AOPEP: variants seen among roughly 807,000 people sequenced by gnomAD.
The protein encoded by AOPEP is aminopeptidase O (putative).
AOPEP carries 77 observed loss-of-function variants against 98.1 expected under a neutral mutation model. That is an observed-to-expected ratio of 0.78 (90% CI 0.65 to 0.95). The LOEUF (loss-of-function observed/expected upper bound fraction) is 0.95, where lower values mean the gene tolerates loss of function less well. AOPEP is among the 40% of genes least tolerant of loss of function. The pLI is 0.00. For missense variants in AOPEP, 1,024 were observed against 1,024.7 expected, an observed-to-expected ratio of 1.00 and a Z score of 0.01; for synonymous variants, 346 against 365.3, an observed-to-expected ratio of 0.95 and a Z score of 0.60.
At chr9:95,085,595 C>T (rs545515709) in intron 16 of AOPEP, 45 of 425,460 alleles carry the variant, frequency 1.1e-4, no homozygotes, top group African/African-American at 6.2e-4. Context: ...GCTGACGGGC[C>T]GGCCGCTGCT....
chr9:95,085,440 C>T (rs376202807), intron 16 of AOPEP: 6 of 532,384 alleles, frequency 1.1e-5, no homozygotes, highest in Non-Finnish European at 1.9e-5. Context: ...TTATGCCCAG[C>T]GATGACCTCT....
chr9:94,822,011 A>ACACG (rs1554726876), intron 5 of AOPEP, among the ~76,000 whole-genome samples: 4 of 146,164 alleles, frequency 2.7e-5, no homozygotes, highest in Non-Finnish European at 6.1e-5. Context: ...ACACACACAC[A>ACACG]CGCAGGCATT....
At chr9:94,989,492 C>T (rs2060746263) in intron 11 of AOPEP, among the ~76,000 whole-genome samples, 1 of 152,060 alleles carries the variant, frequency 6.6e-6, no homozygotes, top group Non-Finnish European at 1.5e-5. Context: ...TCCTTGGCCT[C>T]CCAAGGTGCT....
At chr9:94,903,496 A>G (rs2050700211) in intron 5 of AOPEP, among the ~76,000 whole-genome samples, 2 of 152,002 alleles carry the variant, frequency 1.3e-5, no homozygotes, top group Non-Finnish European at 1.5e-5. Flanking sequence ...ATACACTTGT[A>G]AAAATATCAC....
At chr9:94,772,832 A>G (rs747199411) in intron 2 of AOPEP, among the ~76,000 whole-genome samples, 170 bp from the exon 3 acceptor site, 1 of 152,236 alleles carries the variant, frequency 6.6e-6, no homozygotes, top group South Asian at 2.1e-4. Flanking sequence ...AGCTATTCAC[A>G]TAGCCAGCCC....
At chr9:95,110,350 G>A in the AOPEP span, 3 of 1,019,668 alleles carry the variant, frequency 2.9e-6, no homozygotes, top group African/African-American at 1.7e-5. Flanking sequence ...AAATAAGACA[G>A]AATATAAAAG....
intron 14 of AOPEP, chr9:95,065,234 T>A (rs1054157641): frequency 1.3e-5 from 2 of 152,270 alleles, no homozygotes; most frequent in African/African-American, 4.8e-5. Context: ...TTAGAAGTCC[T>A]TCCTCTTGTC....
intron 7 of AOPEP, among the ~76,000 whole-genome samples, chr9:94,950,854 C>G (rs1284114642): frequency 6.6e-6 from 1 of 152,220 alleles, no homozygotes; most frequent in Non-Finnish European, 1.5e-5. Flanking sequence ...TCAGACCCAG[C>G]TGACATGCCA....
At chr9:95,128,915 T>C in the AOPEP span, among the ~76,000 whole-genome samples, 5 of 152,124 alleles carry the variant, frequency 3.3e-5, no homozygotes, top group Non-Finnish European at 5.9e-5. Context: ...TCTCCTTTTT[T>C]TTTTTTTTGA....
intron 5 of AOPEP, among the ~76,000 whole-genome samples, chr9:94,890,975 C>T (rs1564331417): frequency 6.6e-6 from 1 of 152,184 alleles, no homozygotes; most frequent in Non-Finnish European, 1.5e-5. Flanking sequence ...GGTTGATGGT[C>T]AGCTTTTCTA....
intron 13 of AOPEP, among the ~76,000 whole-genome samples, chr9:95,025,543 T>G (rs1377978042): frequency 6.6e-6 from 1 of 152,202 alleles, no homozygotes; most frequent in African/African-American, 2.4e-5. Flanking sequence ...AGTTAATTCA[T>G]CAGGAGTTGG....
chr9:95,005,021 G>GCGGGCT (rs1217709010), intron 11 of AOPEP, 137 bp from the exon 12 acceptor site: 118 of 218,062 alleles, frequency 5.4e-4, no homozygotes, highest in Non-Finnish European at 8.1e-4. Context: ...GGCGCAGGGC[G>GCGGGCT]CGGGCTCCGG....
the AOPEP span, among the ~76,000 whole-genome samples, chr9:95,103,690 A>G: frequency 2.0e-4 from 30 of 152,286 alleles, no homozygotes; most frequent in South Asian, 6.0e-3. Context: ...TCTGGGGAAA[A>G]TCGGAGGGCC....
chr9:94,980,011 A>C lies in AOPEP; in HGVS notation c.1977+584A>C, dbSNP rs1315301674. ...TTCTCTGTCTTAGGGACCTGGGCTC[A>C]TCCCAGCTGGAGATTGTTGTTCTCT... On this transcript the variant is annotated intron_variant, in intron 11 of 16. Coordinates refer to ENST00000375315, the MANE Select transcript of AOPEP (RefSeq NM_001193329.3). This position sits in a 1 kb window ranked among gnomAD's most constrained non-coding sequence, Gnocchi z 4.3. Among the ~76,000 whole-genome samples, 2 of 152,142 alleles carry C rather than the reference A, an allele frequency of 1.3e-5. No homozygotes were observed. The highest frequency in any genetic ancestry group is 2.9e-5 in the Non-Finnish European group (2 of 68,030).
intron 14 of AOPEP, among the ~76,000 whole-genome samples, chr9:95,062,670 C>T (rs748705082): frequency 2.0e-5 from 3 of 152,206 alleles, no homozygotes; most frequent in Non-Finnish European, 4.4e-5. Context: ...TGTGTATGGG[C>T]TGTGTTCACA....
intron 14 of AOPEP, among the ~76,000 whole-genome samples, chr9:95,063,566 T>G (rs2067530307): frequency 6.6e-6 from 1 of 152,202 alleles, no homozygotes; most frequent in Non-Finnish European, 1.5e-5. Flanking sequence ...TCCCCCTGTG[T>G]TGTTTTGCTG....
At chr9:95,125,234 A>T in the AOPEP span, 5 of 1,479,802 alleles carry the variant, frequency 3.4e-6, no homozygotes, top group Non-Finnish European at 4.7e-6. Flanking sequence ...GTAATCCGGC[A>T]AACATGAAAA....
intron 5 of AOPEP, among the ~76,000 whole-genome samples, chr9:94,899,748 TA>T (rs899991318): frequency 1.3e-5 from 2 of 149,836 alleles, no homozygotes; most frequent in Admixed American, 6.7e-5. Flanking sequence ...GGACCCTATC[TA>T]AAAAAAAACA....
chr9:94,887,190 A>T (rs954070432), intron 5 of AOPEP, among the ~76,000 whole-genome samples: 3 of 151,172 alleles, frequency 2.0e-5, no homozygotes, highest in South Asian at 4.2e-4. Context: ...ACAAAAAATT[A>T]AAAAAAAATT....
Sources: gnomAD v4.1 joint callset for allele counts (sites outside exome capture counted in the v4.1 genomes callset) on GRCh38, gnomAD v4.1.1 for gene constraint, Gnocchi (gnomAD v3.1) non-coding constraint, MANE v1.5 for transcripts, NCBI Gene and HGNC (gene_info 2026-07-23, HGNC 2026-07-21) for gene names.